ALX1: variants seen among roughly 807,000 people sequenced by gnomAD.
ALX1 encodes ALX homeobox protein 1.
ALX1 carries 19 observed loss-of-function variants against 31.7 expected under a neutral mutation model. The ratio of observed to expected loss-of-function variants is 0.60; its 90% confidence interval spans 0.42 to 0.88. ALX1 has a LOEUF of 0.88. ALX1 is among the 40% of genes least tolerant of loss of function. ALX1 has a pLI of 0.00. For synonymous variants in ALX1, 153 were observed against 148.8 expected, an observed-to-expected ratio of 1.03 and a Z score of -0.20; for missense variants, 415 against 407.8, an observed-to-expected ratio of 1.02 and a Z score of -0.15.
intron 3 of ALX1, among the ~76,000 whole-genome samples, chr12:85,290,958 C>T (rs535484882): frequency 6.6e-6 from 1 of 151,146 alleles, no homozygotes; most frequent in Admixed American, 6.6e-5. Flanking sequence ...CTTTGTATCA[C>T]CAAGGATGGT....
intron 1 of ALX1, among the ~76,000 whole-genome samples, chr12:85,280,815 G>A (rs1290082802): frequency 6.6e-6 from 1 of 152,034 alleles, no homozygotes; most frequent in Non-Finnish European, 1.5e-5. Flanking sequence ...GCTAAATAGA[G>A]CGTAATTGAG....
Position 85,283,719 on chromosome 12 carries a change from G to A in ALX1, c.374G>A (p.Ser125Asn), listed in dbSNP as rs1896711172. Residue 125 changes from serine (S) to asparagine (N), a missense_variant, in exon 2 of 4, where the codon AGC becomes AAC. Coordinates refer to ENST00000316824, the MANE Select transcript of ALX1 (RefSeq NM_006982.3). ...GATGAACTTGGGGATAAATGTGATA[G>A]CAATGTATCCAGCAGTAAGAAACGG... ...ELDELGDKCD[S>N]NVSSSKKRRH... 1.2e-6 allele frequency: 2 copies of A among 1,614,040 alleles called. No individual in the cohort carries two copies. The highest frequency in any genetic ancestry group is 1.7e-5 in the Admixed American group (1 of 59,996).
intron 1 of ALX1, among the ~76,000 whole-genome samples, chr12:85,280,848 C>A (rs975949944): frequency 2.0e-5 from 3 of 152,026 alleles, no homozygotes; most frequent in Non-Finnish European, 4.4e-5. Flanking sequence ...GCTTCCTCTG[C>A]GAGCCCGCCT....
chr12:85,301,347 C>T lies in ALX1; in HGVS notation c.853C>T (p.Leu285Phe), dbSNP rs147059932. 2.5e-6 allele frequency: 4 copies of T among 1,613,972 alleles called. No homozygotes were observed. The highest frequency in any genetic ancestry group is 2.7e-5 in the African/African-American group (2 of 74,904). Residue 285 changes from leucine (L) to phenylalanine (F), a missense_variant, in exon 4 of 4, where the codon CTT becomes TTT. Physicochemically the swap from Leu to Phe is conservative, Grantham distance 22. Transcript: ENST00000316824. Reference protein sequence around the residue: ...VPLNNFFTDSLLTGATNGHAF... With the variant: ...VPLNNFFTDSFLTGATNGHAF... ...CCTCAACAATTTTTTCACTGACTCT[C>T]TTCTTACTGGGGCAACCAATGGACA... is the stretch of plus-strand genomic sequence containing the variant.
chr12:85,283,169 A>T (rs1182503096), intron 1 of ALX1, among the ~76,000 whole-genome samples: 1 of 152,348 alleles, frequency 6.6e-6, no homozygotes, highest in South Asian at 2.1e-4. Flanking sequence ...GAGCCACATT[A>T]GTAGCTTGGT....
At chr12:85,293,265 G>GTA (rs372875689) in intron 3 of ALX1, among the ~76,000 whole-genome samples, 146 of 148,082 alleles carry the variant, frequency 9.9e-4, no homozygotes, top group Middle Eastern at 7.0e-3. Flanking sequence ...ATGTATGTGT[G>GTA]TATATATATA....
intron 1 of ALX1, among the ~76,000 whole-genome samples, chr12:85,281,448 G>C (rs114963213): frequency 0.016 from 2,468 of 152,218 alleles, 77 homozygotes; most frequent in African/African-American, 0.057. Context: ...ATAAGGGGCG[G>C]GTTGCTTTAA....
chr12:85,286,538 G>A (rs1030632738), intron 2 of ALX1, among the ~76,000 whole-genome samples: 55 of 151,836 alleles, frequency 3.6e-4, no homozygotes, highest in African/African-American at 1.3e-3. Context: ...GAGATATATG[G>A]AGTATTCAGG....
At position 85,301,376 on chromosome 12, in the gene ALX1, A is replaced by G; in HGVS notation, c.882A>G (p.Ala294=). ...TTACTGGGGCAACCAATGGACATGC[A>G]TTTGAAACAAAGCCAGAGTTTGAAA... ...SLLTGATNGH[A]FETKPEFERR... Residue 294 remains alanine (A), a synonymous_variant, in exon 4 of 4, where the codon GCA becomes GCG. Coordinates refer to ENST00000316824, the MANE Select transcript of ALX1 (RefSeq NM_006982.3). 6.2e-7 allele frequency: 1 copy of G among 1,614,092 alleles called. No homozygotes were observed. Among genetic ancestry groups the G allele is most frequent in the Non-Finnish European group, 8.5e-7 (1 of 1,179,966 alleles).
chr12:85,298,896 G>A (rs1467454347), intron 3 of ALX1, among the ~76,000 whole-genome samples: 2 of 151,578 alleles, frequency 1.3e-5, no homozygotes, highest in Admixed American at 6.6e-5. Context: ...TCAATTTATA[G>A]GTAGATTTAT....
chr12:85,299,662 C>G (rs1896936959), intron 3 of ALX1, among the ~76,000 whole-genome samples: 1 of 151,802 alleles, frequency 6.6e-6, no homozygotes, highest in Admixed American at 6.6e-5. Context: ...AGGTTTTTCT[C>G]TTACGTTTTG....
At chr12:85,288,045 T>A (rs115784511) in intron 3 of ALX1, among the ~76,000 whole-genome samples, 143 of 151,606 alleles carry the variant, frequency 9.4e-4, no homozygotes, top group African/African-American at 3.3e-3. Context: ...AAAACCAGTT[T>A]TAGAAACCTC....
intron 3 of ALX1, among the ~76,000 whole-genome samples, chr12:85,291,162 G>A (rs1325202627): frequency 6.6e-6 from 1 of 150,958 alleles, no homozygotes; most frequent in African/African-American, 2.4e-5. Flanking sequence ...TTCTTCCTCT[G>A]TTCAAAAAAA....
intron 3 of ALX1, among the ~76,000 whole-genome samples, chr12:85,293,162 C>G (rs1488850563): frequency 1.3e-5 from 2 of 150,028 alleles, no homozygotes; most frequent in Non-Finnish European, 3.0e-5. Flanking sequence ...TAATGATAAT[C>G]TACCTTACTA....
At chr12:85,298,121 G>T (rs191900633) in intron 3 of ALX1, among the ~76,000 whole-genome samples, 3 of 151,490 alleles carry the variant, frequency 2.0e-5, no homozygotes, top group Admixed American at 2.0e-4. Flanking sequence ...ACAAAGTAGG[G>T]ATAATGAGTA....
Position 85,280,383 on chromosome 12 carries a change from A to T in ALX1, c.122A>T (p.Tyr41Phe), listed in dbSNP as rs1196537753. 1 of 1,613,732 alleles carries T rather than the reference A, an allele frequency of 6.2e-7. No homozygotes were observed. The highest frequency in any genetic ancestry group is 2.2e-5 in the East Asian group (1 of 44,866). The change falls in exon 1 of 4, where the codon TAC (tyrosine) becomes TTC (phenylalanine). Residue 41 changes from tyrosine (Y) to phenylalanine (F), a missense_variant. Physicochemically the swap from Tyr to Phe is conservative, Grantham distance 22. Coordinates refer to ENST00000316824, the MANE Select transcript of ALX1 (RefSeq NM_006982.3). ...GAGACGCTGGACAATGAGTCCTTTTACAGCAAAGCGTCTGCAGGCAAATGC... is the reference window on the plus strand; with the variant it reads ...GAGACGCTGGACAATGAGTCCTTTTTCAGCAAAGCGTCTGCAGGCAAATGC... Reference protein sequence around the residue: ...VMETLDNESFYSKASAGKCVQ... With the variant: ...VMETLDNESFFSKASAGKCVQ...
chr12:85,301,353 A>G lies in ALX1; in HGVS notation c.859A>G (p.Thr287Ala), dbSNP rs1290543673. ...LNNFFTDSLL[T>A]GATNGHAFET... Reference sequence around the variant, plus strand: ...CAATTTTTTCACTGACTCTCTTCTTACTGGGGCAACCAATGGACATGCATT... The same window carrying G: ...CAATTTTTTCACTGACTCTCTTCTTGCTGGGGCAACCAATGGACATGCATT... Residue 287 changes from threonine (T) to alanine (A), a missense_variant, in exon 4 of 4, where the codon ACT (threonine) becomes GCT (alanine). This residue lies in a region of ALX1 where 174 missense variants were observed against 177.5 expected (regional missense o/e 0.98). Coordinates refer to ENST00000316824, the MANE Select transcript of ALX1 (RefSeq NM_006982.3). The G allele has an allele frequency of 1.9e-6, 3 of 1,614,038 alleles. No individual in the cohort carries two copies. Among genetic ancestry groups the G allele is most frequent in the Non-Finnish European group, 2.5e-6 (3 of 1,179,972 alleles).
At position 85,280,256 on chromosome 12, in the gene ALX1, A is replaced by C. The variant is rs1332206806; in HGVS notation, c.-6A>C. The C allele has an allele frequency of 3.1e-6, 5 of 1,604,234 alleles. No individual in the cohort carries two copies. The East Asian group carries it at 1.1e-4, about 36-fold the overall frequency. On this transcript the variant is annotated 5_prime_UTR_variant, in exon 1 of 4. Coordinates refer to ENST00000316824, the MANE Select transcript of ALX1 (RefSeq NM_006982.3). ...CCCAGGAGCTACGCGACAGTCTTCCAGGATTATGGAGTTTCTGAGCGAGAA... is the reference window on the plus strand; with the variant it reads ...CCCAGGAGCTACGCGACAGTCTTCCCGGATTATGGAGTTTCTGAGCGAGAA...
Position 85,286,913 on chromosome 12 carries a change from C to T in ALX1, c.592C>T (p.Gln198Ter). The change falls in exon 3 of 4, where the codon CAA (glutamine) becomes TAA (stop). Residue 198 changes from glutamine to a stop codon, truncating the protein, a stop_gained. Coordinates refer to ENST00000316824, the MANE Select transcript of ALX1 (RefSeq NM_006982.3). LOFTEE classifies it high-confidence loss of function. ...RKRERYGQIQ[Q>*]AKSHFAATYD... ...AAGGGAACGTTATGGCCAAATACAA[C>T]AAGCGAAAAGCCATTTTGCTGCCAC... 6.2e-7 allele frequency: 1 copy of T among 1,612,188 alleles called. No homozygotes were observed. The highest frequency in any genetic ancestry group is 8.5e-7 in the Non-Finnish European group (1 of 1,178,658).
Sources: allele counts gnomAD v4.1 joint callset (sites outside exome capture counted in the v4.1 genomes callset), GRCh38; gene constraint gnomAD v4.1.1; regional missense constraint gnomAD v4.1.1; transcripts MANE v1.5; gene names NCBI Gene and HGNC (gene_info 2026-07-23, HGNC 2026-07-21).